INPP5K: variants seen among roughly 807,000 people sequenced by gnomAD.
INPP5K encodes inositol polyphosphate-5-phosphatase K.
A neutral mutation model predicts 53.5 loss-of-function variants in INPP5K; 35 were observed. The ratio of observed to expected loss-of-function variants is 0.65; its 90% CI spans 0.50 to 0.87. INPP5K has a LOEUF of 0.87. Among genes scored for constraint, INPP5K ranks in the 40% least tolerant of loss-of-function variants. The pLI is 0.00. For synonymous variants in INPP5K, 253 were observed against 232.8 expected, an observed-to-expected ratio of 1.09 and a Z score of -0.79; for missense variants, 550 against 586.2, an observed-to-expected ratio of 0.94 and a Z score of 0.64.
At chr17:1,503,428 C>G (rs1299902256) in intron 7 of INPP5K, among the ~76,000 whole-genome samples, 1 of 152,182 alleles carries the variant, frequency 6.6e-6, no homozygotes. Context: ...TCGTGATCCA[C>G]CCGCCTGGCC....
chr17:1,515,767 A>C, intron 1 of INPP5K: 1 of 617,250 alleles, frequency 1.6e-6, no homozygotes, highest in Non-Finnish European at 2.0e-6. Flanking sequence ...TACAGAAACC[A>C]CCTTCCCAGG....
chr17:1,496,083 C>T lies in INPP5K; in HGVS notation c.1267G>A (p.Val423Met), dbSNP rs371985753. The change falls in exon 11 of 12, where the codon GTG becomes ATG. Residue 423 changes from valine to methionine, a missense_variant. Val to Met is a conservative substitution (Grantham distance 21). Coordinates refer to ENST00000421807, the MANE Select transcript of INPP5K (RefSeq NM_016532.4). Reference sequence around the variant, plus strand: ...ACCTGGAAGGGTCTGCTTATCCCCACCACAGAACGCAGACTGTTGCTGTAG... The same window carrying T: ...ACCTGGAAGGGTCTGCTTATCCCCATCACAGAACGCAGACTGTTGCTGTAG... ...CYYSNSLRSVVGISRPFQIPP... is the reference protein window; with the variant it reads ...CYYSNSLRSVMGISRPFQIPP... 2.5e-6 allele frequency: 4 copies of T among 1,611,832 alleles called. No homozygotes were observed. The African/African-American group carries it at 4.0e-5, about 16-fold the overall frequency.
chr17:1,496,839 A>G, intron 8 of INPP5K, 36 bp from the exon 9 acceptor site: 3 of 1,606,426 alleles, frequency 1.9e-6, no homozygotes, highest in African/African-American at 1.3e-5. Flanking sequence ...TGAATCTCGC[A>G]GCATCATTCC....
chr17:1,496,869 T>C (rs1481323754), intron 8 of INPP5K, 66 bp from the exon 9 acceptor site: 1 of 1,546,630 alleles, frequency 6.5e-7, no homozygotes, highest in Non-Finnish European at 8.8e-7. Flanking sequence ...GGCCAAGTGT[T>C]CCTCACTGTG....
intron 2 of INPP5K, 59 bp from the exon 3 acceptor site, chr17:1,513,620 G>T: frequency 7.1e-7 from 1 of 1,398,670 alleles, no homozygotes; most frequent in Non-Finnish European, 1.0e-6. Flanking sequence ...CCCTGCCACA[G>T]ATATTTGATA....
Position 1,498,020 on chromosome 17 carries a change from G to A in INPP5K, c.879C>T (p.Phe293=). The change falls in exon 8 of 12, where the codon TTC becomes TTT. Residue 293 remains phenylalanine, a synonymous_variant. Transcript: ENST00000421807. ...TGCTGTAGCCCCTCAGAGACAAGGA[G>A]AAGTGTGACGCCGGCGGTATGGGAG... is the stretch of plus-strand genomic sequence containing the variant. ...PDTPIPPASH[F]SLSLRGYSSH... is the part of the protein sequence containing the mutation. 6.2e-7 allele frequency: 1 copy of A among 1,614,188 alleles called. No homozygotes were observed. The highest frequency in any genetic ancestry group is 1.1e-5 in the South Asian group (1 of 91,092).
chr17:1,508,175 C>A lies in INPP5K; in HGVS notation c.606G>T (p.Leu202Phe), dbSNP rs1468575982. ...DMNFRIEDFG[L>F]HFVRESIKNR... is the part of the protein sequence containing the mutation. ...TTTTAATGGATTCCCGAACAAAGTGCAACCCAAAGTCCTCGATCCGAAAGT... is the reference window on the plus strand; with the variant it reads ...TTTTAATGGATTCCCGAACAAAGTGAAACCCAAAGTCCTCGATCCGAAAGT... The change falls in exon 6 of 12, where the codon TTG becomes TTT. Residue 202 changes from leucine (L) to phenylalanine (F), a missense_variant. Physicochemically the swap from Leu to Phe is conservative, Grantham distance 22. Transcript: ENST00000421807. 4.3e-6 allele frequency: 7 copies of A among 1,613,986 alleles called. No homozygotes were observed. Among genetic ancestry groups the A allele is most frequent in the African/African-American group, 1.3e-5 (1 of 74,900 alleles).
At chr17:1,503,861 A>G (rs1351622378) in intron 7 of INPP5K, among the ~76,000 whole-genome samples, 1 of 152,050 alleles carries the variant, frequency 6.6e-6, no homozygotes, top group Non-Finnish European at 1.5e-5. Flanking sequence ...TTCTCATTAC[A>G]TCTTGGCTCA....
At chr17:1,502,281 A>G (rs942159430) in intron 7 of INPP5K, among the ~76,000 whole-genome samples, 41 of 152,272 alleles carry the variant, frequency 2.7e-4, no homozygotes, top group South Asian at 6.2e-4. Flanking sequence ...CCCGGGAGAC[A>G]GAGCTTGTAG....
intron 6 of INPP5K, among the ~76,000 whole-genome samples, 161 bp downstream of exon 6, chr17:1,507,954 G>T (rs1223646322): frequency 3.3e-5 from 5 of 151,966 alleles, no homozygotes; most frequent in African/African-American, 1.2e-4. Context: ...ATCAGGCGTG[G>T]CTGCCTCACC....
At chr17:1,512,667 C>T (rs1314499308) in intron 3 of INPP5K, among the ~76,000 whole-genome samples, 2 of 152,138 alleles carry the variant, frequency 1.3e-5, no homozygotes, top group East Asian at 1.9e-4. Flanking sequence ...TCTGGCAACC[C>T]AGGGCCTTCC....
In INPP5K at chr17:1,516,592, C is replaced by G; in HGVS notation, c.-93G>C. 1.4e-6 allele frequency: 2 copies of G among 1,428,092 alleles called. No individual in the cohort carries two copies. Among genetic ancestry groups the G allele is most frequent in the Non-Finnish European group, 1.8e-6 (2 of 1,098,850 alleles). 88.5% of individuals were successfully genotyped at this position (1,428,092 alleles called of 1,614,324 possible). On this transcript the variant is annotated 5_prime_UTR_variant, in exon 1 of 12. Coordinates refer to ENST00000421807, the MANE Select transcript of INPP5K (RefSeq NM_016532.4). ...GCAGCCCTGCGGGCGGCCGGTCTCA[C>G]GCGCCTAGCTGTCGCGGACTGTTTT...
intron 7 of INPP5K, among the ~76,000 whole-genome samples, chr17:1,503,761 T>C (rs185548904): frequency 6.6e-6 from 1 of 152,168 alleles, no homozygotes; most frequent in African/African-American, 2.4e-5. Context: ...GTGGCAACTA[T>C]AACAAAACTC....
In INPP5K at chr17:1,507,009, A is replaced by G; in HGVS notation, c.747T>C (p.Phe249=). 1 of 1,613,942 alleles carries G rather than the reference A, an allele frequency of 6.2e-7. No homozygotes were observed. The highest frequency in any genetic ancestry group is 1.1e-5 in the South Asian group (1 of 91,074). ...TGTCATAGTCGTTGGAGTTCCTATC[A>G]AACTTGTAGGTGGGCGGGAAGAGTA... ...GRLLFPPTYK[F]DRNSNDYDTS... The change falls in exon 7 of 12, where the codon TTT becomes TTC. Residue 249 remains phenylalanine (F), a synonymous_variant. Transcript: ENST00000421807.
chr17:1,499,295 G>A (rs1206172244), intron 7 of INPP5K, among the ~76,000 whole-genome samples: 1 of 152,112 alleles, frequency 6.6e-6, no homozygotes, highest in Non-Finnish European at 1.5e-5. Context: ...GGTGGATCAT[G>A]AGGTCAGGAG....
At chr17:1,506,857 G>T in intron 7 of INPP5K, 123 bp downstream of exon 7, 1 of 666,894 alleles carries the variant, frequency 1.5e-6, no homozygotes, top group Non-Finnish European at 2.6e-6. Context: ...TGCCACTCTG[G>T]AGAGGGGATG....
intron 7 of INPP5K, among the ~76,000 whole-genome samples, chr17:1,503,242 G>A (rs1328134355): frequency 6.7e-6 from 1 of 149,694 alleles, no homozygotes; most frequent in Non-Finnish European, 1.5e-5. Flanking sequence ...GGAGTGCAGT[G>A]GCGTGATCTC....
intron 7 of INPP5K, among the ~76,000 whole-genome samples, chr17:1,501,002 A>G (rs970857788): frequency 7.9e-5 from 11 of 139,682 alleles, no homozygotes; most frequent in Non-Finnish European, 1.5e-4. Flanking sequence ...GCTATCGCCC[A>G]GGCTGGAGTG....
intron 1 of INPP5K, chr17:1,515,333 A>C (rs2075409081): frequency 1.6e-6 from 1 of 641,862 alleles, no homozygotes; most frequent in Admixed American, 6.3e-5. Flanking sequence ...GATATTTTCC[A>C]CCTCAGCTTA....
Sources: gnomAD v4.1 joint callset for allele counts (sites outside exome capture counted in the v4.1 genomes callset) on GRCh38, gnomAD v4.1.1 for gene constraint, MANE v1.5 for transcripts, NCBI Gene and HGNC (gene_info 2026-07-23, HGNC 2026-07-21) for gene names.